The following CNTN5 variants were observed in gnomAD, a reference collection of about 807,000 sequenced individuals.
The protein encoded by CNTN5 is contactin-5.
In CNTN5, 77 loss-of-function variants were observed where a neutral mutation model predicts 129.1. That is an observed-to-expected ratio of 0.60 (90% CI 0.50 to 0.72). The LOEUF (loss-of-function observed/expected upper bound fraction) is 0.72. Ranked by LOEUF, CNTN5 falls within the 30% of genes least tolerant of loss-of-function variation. CNTN5 has a pLI of 0.00. For synonymous variants in CNTN5, 509 were observed against 465.6 expected, an observed-to-expected ratio of 1.09 and a Z score of -1.20; for missense variants, 1,478 against 1,328.8, an observed-to-expected ratio of 1.11 and a Z score of -1.75.
intron 1 of CNTN5, among the ~76,000 whole-genome samples, chr11:99,118,796 C>A (rs1004481872): frequency 1.3e-5 from 2 of 151,560 alleles, no homozygotes; most frequent in African/African-American, 2.4e-5. Context: ...GGCATGTAAC[C>A]TAAATTTCCA....
At position 99,113,043 on chromosome 11, in the gene CNTN5, G is replaced by A. The variant is rs146259571; in HGVS notation, c.-210+91773G>A. Among the ~76,000 whole-genome samples, 499 of 152,142 alleles carry A rather than the reference G, an allele frequency of 3.3e-3. 3 individuals carry two copies. The highest frequency in any genetic ancestry group is 0.011 in the African/African-American group (474 of 41,546). ...CTCAATAGTCATACGAAAGGCAACC[G>A]TATTAATGGATAGTTTCCCATTCAG... On this transcript the variant is annotated intron_variant, in intron 1 of 24. Coordinates refer to ENST00000524871, the MANE Select transcript of CNTN5 (RefSeq NM_014361.4).
At chr11:99,213,187 T>C (rs1473854559) in intron 1 of CNTN5, among the ~76,000 whole-genome samples, 1 of 137,468 alleles carries the variant, frequency 7.3e-6, no homozygotes, top group Admixed American at 8.0e-5. Flanking sequence ...TGAGACTCCA[T>C]CTCAAAAAAA....
chr11:100,307,034 CT>C (rs1162406741), intron 20 of CNTN5, among the ~76,000 whole-genome samples: 9 of 151,682 alleles, frequency 5.9e-5, no homozygotes, highest in African/African-American at 1.9e-4. Flanking sequence ...CCAACCAAGT[CT>C]TTTGCAGGCT....
chr11:99,703,540 G>A (rs77594429), intron 3 of CNTN5, among the ~76,000 whole-genome samples: 603 of 150,826 alleles, frequency 4.0e-3, no homozygotes, highest in Admixed American at 7.3e-3. Context: ...ATAGTCTTAC[G>A]AGGTAAGTGT....
At chr11:100,186,817 G>T (rs1948313495) in intron 13 of CNTN5, among the ~76,000 whole-genome samples, 1 of 152,126 alleles carries the variant, frequency 6.6e-6, no homozygotes, top group Non-Finnish European at 1.5e-5. Context: ...TGAAGACAAA[G>T]GGGCTGTATT....
intron 3 of CNTN5, among the ~76,000 whole-genome samples, chr11:99,741,464 A>G (rs564005299): frequency 5.9e-5 from 9 of 152,234 alleles, no homozygotes; most frequent in Admixed American, 3.3e-4. Context: ...CAGGAAAGGG[A>G]TATCTCTGTG....
chr11:99,838,325 A>G (rs1947369959), intron 4 of CNTN5, among the ~76,000 whole-genome samples: 1 of 152,168 alleles, frequency 6.6e-6, no homozygotes, highest in African/African-American at 2.4e-5. Context: ...AAAATCAAAC[A>G]TCTATCAAGT....
chr11:100,278,957 A>G (rs1382507310), intron 18 of CNTN5, among the ~76,000 whole-genome samples: 1 of 151,902 alleles, frequency 6.6e-6, no homozygotes, highest in Non-Finnish European at 1.5e-5. Context: ...TATGATTTTT[A>G]TGATGTTGAG....
Position 100,255,914 on chromosome 11 carries a change from G to T in CNTN5, c.2160G>T (p.Lys720Asn). The change falls in exon 17 of 25, where the codon AAG (lysine) becomes AAT (asparagine). Residue 720 changes from lysine to asparagine, a missense_variant. Lys to Asn is a moderately conservative substitution (Grantham distance 94). Coordinates refer to ENST00000524871, the MANE Select transcript of CNTN5 (RefSeq NM_014361.4). Reference sequence around the variant, plus strand: ...TTTCCCTGGGCTGGCAAACAGTAAAGACAGGTAAGAGGCACTAAAGCAACA... The same window carrying T: ...TTTCCCTGGGCTGGCAAACAGTAAATACAGGTAAGAGGCACTAAAGCAACA... ...SPFSLGWQTV[K>N]TVPEIITGDM... 1 of 1,613,820 alleles carries T rather than the reference G, an allele frequency of 6.2e-7. No individual in the cohort carries two copies. Among genetic ancestry groups the T allele is most frequent in the Non-Finnish European group, 8.5e-7 (1 of 1,179,792 alleles).
intron 6 of CNTN5, among the ~76,000 whole-genome samples, chr11:99,858,547 A>G (rs998332994): frequency 6.6e-6 from 1 of 151,826 alleles, no homozygotes; most frequent in Non-Finnish European, 1.5e-5. Context: ...AAAGCTATCA[A>G]TGTTTCCCTA....
chr11:99,881,954 A>G (rs1027556691), intron 6 of CNTN5, among the ~76,000 whole-genome samples: 12 of 152,174 alleles, frequency 7.9e-5, no homozygotes, highest in Non-Finnish European at 1.3e-4. Context: ...CAAATATAGC[A>G]CTGAATTTAC....
At chr11:99,426,331 A>G (rs1351043018) in intron 2 of CNTN5, among the ~76,000 whole-genome samples, 1 of 152,202 alleles carries the variant, frequency 6.6e-6, no homozygotes, top group Non-Finnish European at 1.5e-5. Flanking sequence ...CATTTATCCA[A>G]AGTGGTAATA....
chr11:100,017,700 T>C (rs1940904211), intron 9 of CNTN5, among the ~76,000 whole-genome samples: 1 of 152,058 alleles, frequency 6.6e-6, no homozygotes, highest in Admixed American at 6.6e-5. Flanking sequence ...GTTGACTACA[T>C]ATTTTCATTT....
chr11:99,255,810 A>G (rs1862350230), intron 1 of CNTN5, among the ~76,000 whole-genome samples: 1 of 151,574 alleles, frequency 6.6e-6, no homozygotes, highest in South Asian at 2.1e-4. Context: ...GCACACACAC[A>G]CACACGCACA....
chr11:99,320,158 G>A (rs1865509057), intron 1 of CNTN5, among the ~76,000 whole-genome samples: 1 of 152,248 alleles, frequency 6.6e-6, no homozygotes, highest in Admixed American at 6.5e-5. Context: ...TGGGAGAATC[G>A]CTTGAACCCA....
Position 100,191,191 on chromosome 11 carries a change from A to G in CNTN5, c.1646A>G (p.Tyr549Cys). The part of the protein sequence containing the change: ...LNASKSDEGK[Y>C]VCRGENVFGS... ...GCTTCCAAATCAGACGAGGGAAAGT[A>G]CGTTTGCCGAGGGGAAAACGTCTTT... Residue 549 changes from tyrosine (Y) to cysteine (C), a missense_variant, in exon 14 of 25, where the codon TAC (tyrosine) becomes TGC (cysteine). Coordinates refer to ENST00000524871, the MANE Select transcript of CNTN5 (RefSeq NM_014361.4). 6.2e-7 allele frequency: 1 copy of G among 1,612,324 alleles called. No individual in the cohort carries two copies. The highest frequency in any genetic ancestry group is 8.5e-7 in the Non-Finnish European group (1 of 1,178,728).
At chr11:99,417,668 G>T (rs1033284867) in intron 2 of CNTN5, among the ~76,000 whole-genome samples, 5 of 152,008 alleles carry the variant, frequency 3.3e-5, no homozygotes, top group African/African-American at 1.2e-4. Flanking sequence ...TTATTCAATT[G>T]TAAGTATTGT....
chr11:100,040,672 A>C (rs527405886), intron 9 of CNTN5, among the ~76,000 whole-genome samples: 2 of 152,168 alleles, frequency 1.3e-5, no homozygotes, highest in African/African-American at 4.8e-5. Context: ...TAACTCATCA[A>C]TGGTGGGCGC....
chr11:99,454,174 A>T (rs1409199766), intron 2 of CNTN5, among the ~76,000 whole-genome samples: 4 of 152,180 alleles, frequency 2.6e-5, no homozygotes, highest in Admixed American at 1.3e-4. Flanking sequence ...TGAATAGTCA[A>T]AATATACCAA....
Sources: allele counts gnomAD v4.1 joint callset (sites outside exome capture counted in the v4.1 genomes callset), GRCh38; gene constraint gnomAD v4.1.1; transcripts MANE v1.5; gene names NCBI Gene and HGNC (gene_info 2026-07-23, HGNC 2026-07-21).